LGALS14: variants seen among roughly 807,000 people sequenced by gnomAD.
LGALS14 encodes galectin 14.
In LGALS14, 14 loss-of-function variants were observed where a neutral mutation model predicts 14.6. The observed-to-expected ratio is 0.96, with a 90% confidence interval of 0.64 to 1.50. LGALS14 has a LOEUF of 1.50. LGALS14 is among the 40% of genes most tolerant of loss of function. The probability of loss-of-function intolerance (pLI) is 0.00; values close to 1 mark genes in which losing one functional copy is unlikely to be tolerated. For synonymous variants in LGALS14, 57 were observed against 63.9 expected (o/e 0.89, Z 0.51); for missense variants, 180 against 172.0 (o/e 1.05, Z -0.26).
chr19:39,708,842 C>T (rs1973756176), intron 3 of LGALS14, among the ~76,000 whole-genome samples: 1 of 152,278 alleles, frequency 6.6e-6, no homozygotes, highest in African/African-American at 2.4e-5. Flanking sequence ...ATGAACATGG[C>T]CTCGCACTAA....
rs774378374 is a variant in LGALS14 at position 39,709,347 on chromosome 19, C to A, written c.*34C>A. 8.1e-7 allele frequency: 1 copy of A among 1,228,980 alleles called. No individual in the cohort carries two copies. Among genetic ancestry groups the A allele is most frequent in the Non-Finnish European group, 1.2e-6 (1 of 830,174 alleles). The allele number at this position is 1,228,980 out of a possible 1,614,324, so 76.1% of individuals were successfully genotyped here. ...ATCAGACTCCTCATTGTTGAGGAATCCCTCTTTCTACCTGACCATGGGATT... is the reference window on the plus strand; with the variant it reads ...ATCAGACTCCTCATTGTTGAGGAATACCTCTTTCTACCTGACCATGGGATT... On this transcript the variant is annotated 3_prime_UTR_variant, in exon 4 of 4. Coordinates refer to ENST00000392052, the MANE Select transcript of LGALS14 (RefSeq NM_020129.3).
Position 39,709,337 on chromosome 19 carries a change from G to A in LGALS14, c.*24G>A, listed in dbSNP as rs1480786760. 7.8e-7 allele frequency: 1 copy of A among 1,288,458 alleles called. No homozygotes were observed. The highest frequency in any genetic ancestry group is 1.1e-6 in the Non-Finnish European group (1 of 883,566). 79.8% of individuals were successfully genotyped at this position (1,288,458 alleles called of 1,614,324 possible). On this transcript the variant is annotated 3_prime_UTR_variant, in exon 4 of 4. Transcript: ENST00000392052. ...GAGGGAGATGATCAGACTCCTCATT[G>A]TTGAGGAATCCCTCTTTCTACCTGA... is the stretch of plus-strand genomic sequence containing the variant.
At chr19:39,707,556 C>G (rs1456115740) in intron 3 of LGALS14, among the ~76,000 whole-genome samples, 168 bp downstream of exon 3, 4 of 152,180 alleles carry the variant, frequency 2.6e-5, no homozygotes, top group Non-Finnish European at 5.9e-5. Context: ...ATCCTCAGCT[C>G]TTTCCCAAAT....
chr19:39,708,555 A>T (rs1973752502), intron 3 of LGALS14, among the ~76,000 whole-genome samples: 1 of 152,262 alleles, frequency 6.6e-6, no homozygotes, highest in African/African-American at 2.4e-5. Flanking sequence ...GACATAAGGA[A>T]TATATCCATA....
At chr19:39,708,943 C>T (rs1007157313) in intron 3 of LGALS14, among the ~76,000 whole-genome samples, 8 of 152,028 alleles carry the variant, frequency 5.3e-5, no homozygotes, top group Non-Finnish European at 8.8e-5. Flanking sequence ...GAAGGGAGGC[C>T]GAGTAAACGG....
At chr19:39,709,048 T>C in intron 3 of LGALS14, 149 bp from the exon 4 acceptor site, 2 of 668,010 alleles carry the variant, frequency 3.0e-6, no homozygotes, top group South Asian at 3.4e-5. Flanking sequence ...AAACATAGCC[T>C]GTAAAATCAC....
Position 39,704,619 on chromosome 19 carries a change from T to G in LGALS14, c.15+76T>G. 9.1e-6 allele frequency: 13 copies of G among 1,430,146 alleles called. No homozygotes were observed. In the Middle Eastern group the frequency reaches 8.8e-4, roughly 97 times the overall value. 88.6% of individuals were successfully genotyped at this position (1,430,146 alleles called of 1,614,324 possible). A position where few individuals can be genotyped will look rare whatever the true frequency, so the allele number is the denominator to read the frequency against. The stretch of plus-strand genomic sequence containing the variant: ...AAAGAAACAGGGGAGGTTTTCTGAG[T>G]TGAAAATATGAGCATTCCTACTGTG... On this transcript the variant is annotated intron_variant, in intron 1 of 3. Coordinates refer to ENST00000392052, the MANE Select transcript of LGALS14 (RefSeq NM_020129.3).
At chr19:39,707,004 A>C (rs931553439) in intron 2 of LGALS14, among the ~76,000 whole-genome samples, 174 bp from the exon 3 acceptor site, 1 of 152,220 alleles carries the variant, frequency 6.6e-6, no homozygotes, top group Admixed American at 6.5e-5. Flanking sequence ...GGAACACAGC[A>C]TCTCCCTGCC....
intron 3 of LGALS14, among the ~76,000 whole-genome samples, 178 bp from the exon 4 acceptor site, chr19:39,709,019 T>C (rs1024401636): frequency 3.9e-5 from 6 of 152,102 alleles, no homozygotes; most frequent in African/African-American, 1.4e-4. Flanking sequence ...AAAATGAGCA[T>C]CTGTCTCAAA....
At chr19:39,706,571 C>G in intron 1 of LGALS14, 26 bp from the exon 2 acceptor site, 1 of 1,582,176 alleles carries the variant, frequency 6.3e-7, no homozygotes, top group Non-Finnish European at 8.7e-7. Context: ...CCCTTTAGCT[C>G]TCACTCACTC....
chr19:39,704,772 A>C (rs1420046498), intron 1 of LGALS14, among the ~76,000 whole-genome samples: 4 of 152,118 alleles, frequency 2.6e-5, no homozygotes, highest in African/African-American at 7.2e-5. Context: ...GTGGTGTCTG[A>C]TGAGAGTGAA....
In LGALS14 at chr19:39,709,124, G is replaced by C. The variant is rs1363767081; in HGVS notation, c.304-73G>C. 51 of 889,980 alleles carry C rather than the reference G, an allele frequency of 5.7e-5. 1 individual carries two copies. The Admixed American group carries it at 8.7e-4, about 15-fold the overall frequency. 55.1% of individuals were successfully genotyped at this position (889,980 alleles called of 1,614,324 possible). A position where few individuals can be genotyped will look rare whatever the true frequency, so the allele number is the denominator to read the frequency against. ...TTCATGGGGAAGGTTATTTGTAACT[G>C]GGCAGAGAAGAGAAAGGGCTGAAAA... On this transcript the variant is annotated intron_variant, in intron 3 of 3. Transcript: ENST00000392052.
rs1044516685 is a variant in LGALS14, at chr19:39,706,080, G to A, written c.16-517G>A. Reference sequence around the variant, plus strand: ...TTCCCTTTCTCTTTCAACAAGTGTTGTTTCTCACTGGAGTGAATTTTTAAA... The same window carrying A: ...TTCCCTTTCTCTTTCAACAAGTGTTATTTCTCACTGGAGTGAATTTTTAAA... On this transcript the variant is annotated intron_variant, in intron 1 of 3. Coordinates refer to ENST00000392052, the MANE Select transcript of LGALS14 (RefSeq NM_020129.3). 31 of 1,588,920 alleles carry A rather than the reference G, an allele frequency of 2.0e-5. No individual in the cohort carries two copies. The African/African-American group carries it at 4.2e-4, about 22-fold the overall frequency.
Position 39,708,699 on chromosome 19 carries a change from C to G in LGALS14, c.304-498C>G, listed in dbSNP as rs768201761. ...TCCTATGTTTTACAAGACCTGTCCT[C>G]CTTTAACTCTCTAAGAACCCTGGGT... On this transcript the variant is annotated intron_variant, in intron 3 of 3. Transcript: ENST00000392052. 2.6e-5 allele frequency among the ~76,000 whole-genome samples: 4 copies of G among 152,194 alleles called. No homozygotes were observed. The South Asian group carries it at 6.2e-4, about 24-fold the overall frequency.
chr19:39,704,953 G>T (rs1973693271), intron 1 of LGALS14, among the ~76,000 whole-genome samples: 1 of 152,174 alleles, frequency 6.6e-6, no homozygotes, highest in African/African-American at 2.4e-5. Context: ...CAGTGAGCAG[G>T]TGTGTGTAAC....
intron 1 of LGALS14, among the ~76,000 whole-genome samples, chr19:39,704,789 T>C (rs1268814206): frequency 1.3e-5 from 2 of 152,046 alleles, no homozygotes; most frequent in African/African-American, 4.8e-5. Flanking sequence ...TGAACTCTGC[T>C]GAGATTAAGT....
intron 1 of LGALS14, 21 bp downstream of exon 1, chr19:39,704,564 C>T: frequency 6.2e-7 from 1 of 1,612,282 alleles, no homozygotes; most frequent in Non-Finnish European, 8.5e-7. Flanking sequence ...AAGTCACAGC[C>T]TTCAATAATC....
chr19:39,707,478 G>A, intron 3 of LGALS14, 90 bp downstream of exon 3: 1 of 1,000,166 alleles, frequency 1.0e-6, no homozygotes, highest in East Asian at 2.4e-5. Context: ...CCAGTCCCTT[G>A]GGGCCCATCT....
chr19:39,706,011 T>G, intron 1 of LGALS14: 1 of 1,613,878 alleles, frequency 6.2e-7, no homozygotes, highest in Non-Finnish European at 8.5e-7. Flanking sequence ...ATGATTGTGG[T>G]GCGTGTACAT....
Sources: allele counts gnomAD v4.1 joint callset (sites outside exome capture counted in the v4.1 genomes callset), GRCh38; gene constraint gnomAD v4.1.1; transcripts MANE v1.5; gene names NCBI Gene and HGNC (gene_info 2026-07-23, HGNC 2026-07-21).